CNTN3: variants seen among roughly 807,000 people sequenced by gnomAD.
CNTN3 encodes contactin 3.
CNTN3 carries 60 observed loss-of-function variants against 119.1 expected under a neutral mutation model. The ratio of observed to expected loss-of-function variants is 0.50; its 90% CI spans 0.41 to 0.62. CNTN3 has a LOEUF of 0.62. CNTN3 is among the 20% of genes least tolerant of loss of function. The pLI, the probability that CNTN3 is intolerant of heterozygous loss-of-function variation, is 0.00. For missense variants in CNTN3, 1,101 were observed against 1,242.4 expected, an observed-to-expected ratio of 0.89 and a Z score of 1.71; for synonymous variants, 450 against 438.7, an observed-to-expected ratio of 1.03 and a Z score of -0.32.
intron 20 of CNTN3, among the ~76,000 whole-genome samples, chr3:74,274,947 G>A (rs1263252406): frequency 6.6e-6 from 1 of 152,074 alleles, no homozygotes; most frequent in East Asian, 1.9e-4. Context: ...GAAATAGATA[G>A]CATAAATACA....
chr3:74,559,553 G>C lies in CNTN3; in HGVS notation c.-80-38361C>G, dbSNP rs569522294. 4.0e-5 allele frequency among the ~76,000 whole-genome samples: 6 copies of C among 151,644 alleles called. No individual in the cohort carries two copies. The East Asian group carries it at 1.2e-3, about 29-fold the overall frequency. On this transcript the variant is annotated intron_variant, in intron 1 of 22. Transcript: ENST00000263665. ...GGCAGTCAGTCCTCACAGAAATGAA[G>C]GGTAAACATAAAAGATTAAAATAAA...
intron 17 of CNTN3, 108 bp downstream of exon 17, chr3:74,299,760 C>A (rs918294632): frequency 3.7e-6 from 3 of 812,946 alleles, no homozygotes; most frequent in African/African-American, 3.4e-5. Context: ...CAGCCACACC[C>A]CCAGCACTAC....
intron 4 of CNTN3, among the ~76,000 whole-genome samples, chr3:74,449,135 T>C (rs1180766380): frequency 6.6e-6 from 1 of 151,936 alleles, no homozygotes; most frequent in African/African-American, 2.4e-5. Context: ...TGAGTATAAA[T>C]CATAAAGAAA....
At chr3:74,376,451 C>A (rs535781177) in intron 5 of CNTN3, among the ~76,000 whole-genome samples, 1 of 152,078 alleles carries the variant, frequency 6.6e-6, no homozygotes, top group Admixed American at 6.6e-5. Context: ...TACTGTGAAC[C>A]GAACATGTGA....
chr3:74,592,474 A>AACACAC (rs747459006), intron 1 of CNTN3, among the ~76,000 whole-genome samples: 1 of 143,902 alleles, frequency 6.9e-6, no homozygotes, highest in African/African-American at 2.8e-5. Flanking sequence ...AACAGAATGA[A>AACACAC]ACACACACAC....
chr3:74,495,828 G>A (rs1033056518), intron 3 of CNTN3, among the ~76,000 whole-genome samples: 3 of 151,976 alleles, frequency 2.0e-5, no homozygotes, highest in Non-Finnish European at 4.4e-5. Context: ...TACAACTTCT[G>A]TATCCAAGAT....
chr3:74,502,321 G>C (rs1022362989), intron 2 of CNTN3, among the ~76,000 whole-genome samples: 1 of 151,954 alleles, frequency 6.6e-6, no homozygotes, highest in Non-Finnish European at 1.5e-5. Flanking sequence ...TTTCCTCTAA[G>C]TGGTCACAAT....
chr3:74,585,871 T>C (rs1028134413), intron 1 of CNTN3, among the ~76,000 whole-genome samples: 26 of 152,124 alleles, frequency 1.7e-4, no homozygotes, highest in African/African-American at 5.8e-4. Context: ...TTTCTTACTG[T>C]CAAAATGAGC....
intron 5 of CNTN3, among the ~76,000 whole-genome samples, 189 bp from the exon 6 acceptor site, chr3:74,371,588 G>A (rs182675366): frequency 8.5e-5 from 13 of 152,148 alleles, no homozygotes; most frequent in East Asian, 1.9e-4. Flanking sequence ...AGAGGACACC[G>A]TTGATTAGCA....
intron 4 of CNTN3, among the ~76,000 whole-genome samples, chr3:74,476,382 C>T (rs1290190288): frequency 6.6e-6 from 1 of 152,100 alleles, no homozygotes; most frequent in Non-Finnish European, 1.5e-5. Context: ...TAACATAAGA[C>T]AGTTCTCACT....
chr3:74,430,293 G>A (rs1021065962), intron 4 of CNTN3, among the ~76,000 whole-genome samples: 3 of 152,078 alleles, frequency 2.0e-5, no homozygotes, highest in African/African-American at 7.2e-5. Context: ...CCATACCATG[G>A]AATGCTACCC....
intron 4 of CNTN3, among the ~76,000 whole-genome samples, chr3:74,461,338 A>C (rs1018004122): frequency 6.6e-6 from 1 of 151,996 alleles, no homozygotes; most frequent in African/African-American, 2.4e-5. Flanking sequence ...GCAGAAAATC[A>C]GTCATTTGTG....
At chr3:74,533,536 G>A (rs1421290878) in intron 1 of CNTN3, among the ~76,000 whole-genome samples, 2 of 151,954 alleles carry the variant, frequency 1.3e-5, no homozygotes, top group East Asian at 1.9e-4. Context: ...CACATGTTAT[G>A]TCATTTACTA....
chr3:74,391,557 CTTTTTTTTTT>C (rs554976641), intron 5 of CNTN3, among the ~76,000 whole-genome samples: 33 of 87,018 alleles, frequency 3.8e-4, no homozygotes, highest in South Asian at 1.6e-3. Context: ...CCCATAGTTT[CTTTTTTTTTT>C]TTTTTTTTTT....
intron 1 of CNTN3, among the ~76,000 whole-genome samples, chr3:74,600,775 C>T (rs1246769946): frequency 6.6e-6 from 1 of 152,024 alleles, no homozygotes; most frequent in African/African-American, 2.4e-5. Flanking sequence ...TCAAATCCAA[C>T]CATGGAAGTG....
Position 74,424,711 on chromosome 3 carries a change from C to T in CNTN3, c.454+134G>A, listed in dbSNP as rs1017248361. 6 of 758,482 alleles carry T rather than the reference C, an allele frequency of 7.9e-6. No homozygotes were observed. In the South Asian group the frequency reaches 9.6e-5, roughly 12 times the overall value. 47.0% of individuals were successfully genotyped at this position (758,482 alleles called of 1,614,324 possible). Reference sequence around the variant, plus strand: ...TTTTGTAGTGTTCCTCATATTCCAACTCAGCAGACAAAATCTAATGCTCAG... The same window carrying T: ...TTTTGTAGTGTTCCTCATATTCCAATTCAGCAGACAAAATCTAATGCTCAG... On this transcript the variant is annotated intron_variant, in intron 5 of 22. Transcript: ENST00000263665.
chr3:74,506,175 G>A (rs1265707698), intron 2 of CNTN3, among the ~76,000 whole-genome samples: 1 of 152,162 alleles, frequency 6.6e-6, no homozygotes, highest in Non-Finnish European at 1.5e-5. Flanking sequence ...TTAAGGTTAA[G>A]TATCTTGATT....
chr3:74,369,814 T>G, intron 7 of CNTN3, 75 bp downstream of exon 7: 1 of 752,020 alleles, frequency 1.3e-6, no homozygotes, highest in Non-Finnish European at 2.2e-6. Flanking sequence ...AAAAGAAGAG[T>G]CTCTCAAAAA....
intron 4 of CNTN3, among the ~76,000 whole-genome samples, chr3:74,451,121 G>T (rs1258447922): frequency 6.6e-6 from 1 of 151,998 alleles, no homozygotes; most frequent in Non-Finnish European, 1.5e-5. Context: ...CTAGTTTACA[G>T]TCCCACCAAC....
Sources: gnomAD v4.1 joint callset for allele counts (sites outside exome capture counted in the v4.1 genomes callset) on GRCh38, gnomAD v4.1.1 for gene constraint, MANE v1.5 for transcripts, NCBI Gene and HGNC (gene_info 2026-07-23, HGNC 2026-07-21) for gene names.